Variants in UNC13B observed in about 807,000 individuals in gnomAD.
UNC13B encodes the protein unc-13 homolog B.
A neutral mutation model predicts 211.0 loss-of-function variants in UNC13B; 144 were observed. That is an observed-to-expected ratio of 0.68 (90% CI 0.60 to 0.78). The LOEUF (loss-of-function observed/expected upper bound fraction) is 0.78, where lower values mean the gene tolerates loss of function less well. UNC13B is among the 30% of genes least tolerant of loss of function. The pLI is 0.00. For missense variants in UNC13B, 1,777 were observed against 2,002.0 expected (o/e 0.89, Z 2.14); for synonymous variants, 709 against 725.8 (o/e 0.98, Z 0.37).
chr9:35,382,614 G>T, intron 21 of UNC13B, 107 bp downstream of exon 21: 1 of 1,353,496 alleles, frequency 7.4e-7, no homozygotes, highest in Non-Finnish European at 1.0e-6. Context: ...CCAGGCTGGA[G>T]TACAGTGGCG....
At position 35,400,343 on chromosome 9, in the gene UNC13B, G is replaced by A; in HGVS notation, c.12384G>A (p.Glu4128=). The A allele has an allele frequency of 6.2e-7, 1 of 1,614,166 alleles. No individual in the cohort carries two copies. Among genetic ancestry groups the A allele is most frequent in the Middle Eastern group, 1.6e-4 (1 of 6,062 alleles). ...ATGGGCTGAAGAAAACCTTCCTGGA[G>A]AAGAGCCCAGATCTGCAGTCTCTAC... ...GGNGLKKTFL[E]KSPDLQSLRY... The change falls in exon 37 of 40, where the codon GAG becomes GAA. Residue 4128 remains glutamate (E), a synonymous_variant. Transcript: ENST00000635942.
At chr9:35,250,976 T>TG (rs1305485622) in intron 6 of UNC13B, among the ~76,000 whole-genome samples, 1 of 145,150 alleles carries the variant, frequency 6.9e-6, no homozygotes, top group East Asian at 2.0e-4. Context: ...TTTTTTTTTT[T>TG]TTTTGAGAAG....
At chr9:35,169,085 T>G (rs1392167736) in intron 1 of UNC13B, among the ~76,000 whole-genome samples, 1 of 152,204 alleles carries the variant, frequency 6.6e-6, no homozygotes, top group Non-Finnish European at 1.5e-5. Context: ...GTGAGGTGGC[T>G]CATGCCTGTA....
Position 35,301,679 on chromosome 9 carries a change from G to A in UNC13B, c.2275G>A (p.Asp759Asn), listed in dbSNP as rs1293680556. Reference protein sequence around the residue: ...ESLLEEKLCIDLSLLPDQQKI... With the variant: ...ESLLEEKLCINLSLLPDQQKI... The stretch of plus-strand genomic sequence containing the variant: ...TCTATTGGAAGAAAAACTCTGTATA[G>A]ATCTGTCTCTTTTACCAGATCAACA... The change falls in exon 9 of 40, where the codon GAT (aspartate) becomes AAT (asparagine). Residue 759 changes from aspartate (D) to asparagine (N), a missense_variant. Transcript: ENST00000635942. The A allele has an allele frequency of 5.0e-6, 2 of 398,696 alleles. No homozygotes were observed. The highest frequency in any genetic ancestry group is 8.9e-6 in the Non-Finnish European group (2 of 225,928). The allele number at this position is 398,696 out of a possible 1,614,324, so 24.7% of individuals were successfully genotyped here. A position where few individuals can be genotyped will look rare whatever the true frequency, so the allele number is the denominator to read the frequency against.
intron 1 of UNC13B, among the ~76,000 whole-genome samples, chr9:35,206,429 T>C (rs1823648150): frequency 6.6e-6 from 1 of 152,194 alleles, no homozygotes; most frequent in Non-Finnish European, 1.5e-5. Flanking sequence ...TCTGTCTCTA[T>C]GGATTTTGCA....
At chr9:35,254,803 G>A (rs1826723297) in intron 6 of UNC13B, among the ~76,000 whole-genome samples, 1 of 146,404 alleles carries the variant, frequency 6.8e-6, no homozygotes, top group African/African-American at 2.5e-5. Context: ...ACTAGGTTTT[G>A]CATCTTTAAA....
intron 13 of UNC13B, among the ~76,000 whole-genome samples, chr9:35,374,547 G>C (rs906549265): frequency 4.6e-5 from 7 of 152,266 alleles, no homozygotes; most frequent in Admixed American, 4.6e-4. Flanking sequence ...GGCAGCCCCA[G>C]CTCTCAGACT....
chr9:35,341,153 C>T (rs1267594152), intron 11 of UNC13B, among the ~76,000 whole-genome samples: 1 of 152,178 alleles, frequency 6.6e-6, no homozygotes, highest in Non-Finnish European at 1.5e-5. Flanking sequence ...TAGGTTACTT[C>T]GTTCCTAATT....
At position 35,398,997 on chromosome 9, in the gene UNC13B, A is replaced by T; in HGVS notation, c.12037A>T (p.Ser4013Cys). 6.2e-7 allele frequency: 1 copy of T among 1,614,148 alleles called. No individual in the cohort carries two copies. The highest frequency in any genetic ancestry group is 8.5e-7 in the Non-Finnish European group (1 of 1,179,996). The change falls in exon 33 of 40, where the codon AGC becomes TGC. Residue 4013 changes from serine to cysteine, a missense_variant. Ser to Cys is a moderately radical substitution (Grantham distance 112, BLOSUM62 -1). Coordinates refer to ENST00000635942, the MANE Select transcript of UNC13B (RefSeq NM_001371189.2). ...ARASAAQDAD[S>C]VLRPLMDFLD... ...GGCCTCAGCGGCTCAGGATGCAGAT[A>T]GCGTACTCCGGCCTCTCATGGACTT...
intron 1 of UNC13B, among the ~76,000 whole-genome samples, chr9:35,200,686 G>T (rs1276841342): frequency 6.6e-6 from 1 of 152,144 alleles, no homozygotes; most frequent in African/African-American, 2.4e-5. Flanking sequence ...CATTGATTTT[G>T]TATCCTGAGA....
chr9:35,189,373 T>G (rs1822527488), intron 1 of UNC13B, among the ~76,000 whole-genome samples: 2 of 152,194 alleles, frequency 1.3e-5, no homozygotes, highest in African/African-American at 4.8e-5. Flanking sequence ...CATCTAACTT[T>G]CACGTGTCCC....
chr9:35,356,643 C>G (rs1463926950), intron 11 of UNC13B, among the ~76,000 whole-genome samples: 1 of 152,096 alleles, frequency 6.6e-6, no homozygotes, highest in Non-Finnish European at 1.5e-5. Flanking sequence ...CTTAAAGTCC[C>G]TTAAAAAGTA....
chr9:35,383,900 C>T (rs577673564), intron 21 of UNC13B, among the ~76,000 whole-genome samples: 1 of 152,228 alleles, frequency 6.6e-6, no homozygotes, highest in East Asian at 1.9e-4. Flanking sequence ...TTCTTCTTAT[C>T]TAACTAAGAT....
At chr9:35,384,181 T>C (rs1835034769) in intron 21 of UNC13B, 65 bp from the exon 22 acceptor site, 1 of 1,605,690 alleles carries the variant, frequency 6.2e-7, no homozygotes, top group Admixed American at 1.7e-5. Context: ...CTGTTTCTGT[T>C]ATAGTTTAGG....
chr9:35,382,529 A>G (rs1426579635), intron 21 of UNC13B, 22 bp downstream of exon 21: 2 of 1,573,930 alleles, frequency 1.3e-6, no homozygotes, highest in Non-Finnish European at 1.7e-6. Context: ...GTAAACACAT[A>G]TGTCTGCATT....
At chr9:35,344,278 T>G (rs1832214756) in intron 11 of UNC13B, among the ~76,000 whole-genome samples, 1 of 152,154 alleles carries the variant, frequency 6.6e-6, no homozygotes. Context: ...TTTTTTCTTT[T>G]TTTGTCCTGA....
At chr9:35,163,715 A>G (rs1307313169) in intron 1 of UNC13B, among the ~76,000 whole-genome samples, 2 of 152,358 alleles carry the variant, frequency 1.3e-5, no homozygotes, top group South Asian at 2.1e-4. Context: ...AGAAATTCCT[A>G]TTTAACTGAA....
intron 7 of UNC13B, 97 bp downstream of exon 7, chr9:35,259,147 A>C (rs1827109566): frequency 1.6e-6 from 2 of 1,260,850 alleles, no homozygotes; most frequent in Non-Finnish European, 2.3e-6. Context: ...TGGAGATGTC[A>C]TGTGTGTAAG....
chr9:35,256,425 A>G (rs1826882023), intron 6 of UNC13B, among the ~76,000 whole-genome samples: 1 of 152,150 alleles, frequency 6.6e-6, no homozygotes. Context: ...TTCTGACTGT[A>G]AGGGGACTGC....
Sources: allele counts gnomAD v4.1 joint callset (sites outside exome capture counted in the v4.1 genomes callset), GRCh38; gene constraint gnomAD v4.1.1; transcripts MANE v1.5; gene names NCBI Gene and HGNC (gene_info 2026-07-23, HGNC 2026-07-21).